Variants in XPO1 observed in about 807,000 individuals in gnomAD.
XPO1 encodes the protein exportin 1, also known as exportin-1.
XPO1 carries 5 observed loss-of-function variants against 133.3 expected under a neutral mutation model. The observed-to-expected ratio is 0.04, with a 90% CI of 0.02 to 0.08. The LOEUF (loss-of-function observed/expected upper bound fraction) is 0.08, where lower values mean the gene tolerates loss of function less well. XPO1 is among the 10% of genes least tolerant of loss of function. The pLI is 1.00. For synonymous variants in XPO1, 419 were observed against 408.2 expected (o/e 1.03, Z -0.32); for missense variants, 506 against 1,267.5 (o/e 0.40, Z 9.12).
At chr2:61,530,067 T>C (rs1034548700) in intron 2 of XPO1, among the ~76,000 whole-genome samples, 1 of 152,202 alleles carries the variant, frequency 6.6e-6, no homozygotes, top group Admixed American at 6.5e-5. Context: ...TTAGCAGTGT[T>C]TTGGTCTTCT....
At chr2:61,524,447 G>GAAGATACA (rs943761510) in intron 3 of XPO1, among the ~76,000 whole-genome samples, 1 of 152,112 alleles carries the variant, frequency 6.6e-6, no homozygotes, top group African/African-American at 2.4e-5. Flanking sequence ...TAAGCTTGAT[G>GAAGATACA]AAGATACAAT....
intron 1 of XPO1, among the ~76,000 whole-genome samples, chr2:61,535,575 T>G (rs746484949): frequency 6.6e-6 from 1 of 152,340 alleles, no homozygotes; most frequent in Middle Eastern, 3.4e-3. Flanking sequence ...CAAATTCTAT[T>G]TTAATGCAAT....
At chr2:61,503,782 G>C (rs1336133277) in intron 4 of XPO1, among the ~76,000 whole-genome samples, 3 of 152,168 alleles carry the variant, frequency 2.0e-5, no homozygotes, top group African/African-American at 7.2e-5. Context: ...GGCTAGGCTG[G>C]TCTGAAACTC....
chr2:61,483,026 A>G lies in XPO1; in HGVS notation c.2743T>C (p.Tyr915His), dbSNP rs764886204. The change falls in exon 22 of 25, where the codon TAT becomes CAT. Residue 915 changes from tyrosine (Y) to histidine (H), a missense_variant. Tyr to His is a moderately conservative substitution (Grantham distance 83, BLOSUM62 2). Coordinates refer to ENST00000401558, the MANE Select transcript of XPO1 (RefSeq NM_003400.4). ...AQEEAAAQSF[Y>H]QTYFCDILQH... ...AGAATATCACAAAAATAAGTTTGAT[A>G]AAAACTCTGAGCTGCAGCTTCTTCT... 6.2e-7 allele frequency: 1 copy of G among 1,613,960 alleles called. No individual in the cohort carries two copies. The highest frequency in any genetic ancestry group is 1.1e-5 in the South Asian group (1 of 91,076).
chr2:61,487,427 A>C (rs1696749173), intron 19 of XPO1, among the ~76,000 whole-genome samples: 1 of 152,216 alleles, frequency 6.6e-6, no homozygotes, highest in African/African-American at 2.4e-5. Flanking sequence ...AGCCAACTTA[A>C]GTATTCCACA....
chr2:61,533,864 C>T lies in XPO1; in HGVS notation c.34G>A (p.Ala12Thr), dbSNP rs1049301823. The change falls in exon 2 of 25, where the codon GCA becomes ACA. Residue 12 changes from alanine (A) to threonine (T), a missense_variant. Coordinates refer to ENST00000401558, the MANE Select transcript of XPO1 (RefSeq NM_003400.4). ...PAIMTMLADH[A>T]ARQLLDFSQK... The stretch of plus-strand genomic sequence containing the variant: ...CTGAAATCAAGCAGCTGACGAGCTG[C>T]ATGGTCTGCTAACATTGTCATAATT... The T allele has an allele frequency of 1.2e-6, 2 of 1,605,888 alleles. No homozygotes were observed. Among genetic ancestry groups the T allele is most frequent in the Non-Finnish European group, 1.7e-6 (2 of 1,176,972 alleles).
intron 4 of XPO1, among the ~76,000 whole-genome samples, chr2:61,521,544 AAT>A (rs1294500245): frequency 1.3e-5 from 2 of 152,202 alleles, no homozygotes; most frequent in South Asian, 2.1e-4. Flanking sequence ...GGTTTCTCAA[AAT>A]ATGACTACAT....
At chr2:61,507,370 T>C (rs922880652) in intron 4 of XPO1, among the ~76,000 whole-genome samples, 1 of 151,970 alleles carries the variant, frequency 6.6e-6, no homozygotes, top group Admixed American at 6.6e-5. Context: ...GGAAACGAGC[T>C]TGAGACCAGC....
chr2:61,501,137 A>C (rs941215025), intron 6 of XPO1, among the ~76,000 whole-genome samples: 1 of 152,194 alleles, frequency 6.6e-6, no homozygotes, highest in African/African-American at 2.4e-5. Flanking sequence ...AAAGCTCTAA[A>C]GTATAATAAA....
intron 12 of XPO1, 23 bp from the exon 13 acceptor site, chr2:61,493,076 C>T (rs1300366221): frequency 1.3e-6 from 2 of 1,541,926 alleles, no homozygotes; most frequent in East Asian, 4.6e-5. Flanking sequence ...ATATATCAAT[C>T]AAGAAAAAAA....
chr2:61,486,302 T>G (rs1368286405), intron 19 of XPO1, among the ~76,000 whole-genome samples: 1 of 152,000 alleles, frequency 6.6e-6, no homozygotes, highest in African/African-American at 2.4e-5. Flanking sequence ...GTCTCCTGAG[T>G]AGCTGGGACT....
chr2:61,483,687 C>G, intron 21 of XPO1: 1 of 394,442 alleles, frequency 2.5e-6, no homozygotes, highest in South Asian at 3.2e-5. Flanking sequence ...ACATCACTAC[C>G]CAGTAGAACT....
chr2:61,490,290 T>C (rs1384715203), intron 17 of XPO1, among the ~76,000 whole-genome samples: 1 of 150,850 alleles, frequency 6.6e-6, no homozygotes, highest in Non-Finnish European at 1.5e-5. Context: ...CCTCTGCCTC[T>C]TGGGTTCAAG....
chr2:61,488,070 C>CTTT, intron 19 of XPO1, 95 bp downstream of exon 19: 1 of 1,091,016 alleles, frequency 9.2e-7, no homozygotes, highest in Admixed American at 2.0e-5. Flanking sequence ...AGTTGATATG[C>CTTT]TTTAAATTAG....
chr2:61,526,374 A>G, intron 3 of XPO1, 46 bp downstream of exon 3: 1 of 1,582,218 alleles, frequency 6.3e-7, no homozygotes, highest in Admixed American at 1.9e-5. Context: ...AAAGTTTATG[A>G]CTGGAAGAAA....
intron 12 of XPO1, 113 bp from the exon 13 acceptor site, chr2:61,493,166 G>T: frequency 9.1e-7 from 1 of 1,103,100 alleles, no homozygotes; most frequent in South Asian, 1.8e-5. Flanking sequence ...CCAGCCATGT[G>T]TAGGGATTCA....
chr2:61,496,490 T>C (rs1346842706), intron 10 of XPO1, among the ~76,000 whole-genome samples: 1 of 152,166 alleles, frequency 6.6e-6, no homozygotes, highest in East Asian at 1.9e-4. Context: ...GATTACAGTA[T>C]TAACCACCAT....
chr2:61,513,662 C>T (rs900100817), intron 4 of XPO1, among the ~76,000 whole-genome samples: 5 of 151,710 alleles, frequency 3.3e-5, no homozygotes. Context: ...CTTTGCATGA[C>T]AAAGATTTCT....
Position 61,538,074 on chromosome 2 carries a change from C to T in XPO1, c.-519G>A. On this transcript the variant is annotated 5_prime_UTR_variant, in exon 1 of 25. Coordinates refer to ENST00000401558, the MANE Select transcript of XPO1 (RefSeq NM_003400.4). ...CCCCCCAAGGCTCGCCTAAACTTTC[C>T]CCCCTTCTCTTGTTCCTCAGCGACT... 1 of 140,650 alleles carries T rather than the reference C, an allele frequency of 7.1e-6. No homozygotes were observed. The highest frequency in any genetic ancestry group is 1.5e-5 in the Non-Finnish European group (1 of 66,780). 8.7% of individuals were successfully genotyped at this position (140,650 alleles called of 1,614,324 possible).
Sources: gnomAD v4.1 joint callset for allele counts (sites outside exome capture counted in the v4.1 genomes callset) on GRCh38, gnomAD v4.1.1 for gene constraint, MANE v1.5 for transcripts, NCBI Gene and HGNC (gene_info 2026-07-23, HGNC 2026-07-21) for gene names.